Variants in SHB observed in about 807,000 individuals in gnomAD.
SHB encodes the protein SH2 domain containing adaptor protein B.
Under a neutral mutation model 52.3 loss-of-function variants are expected in SHB, and 20 were observed. The observed-to-expected ratio is 0.38, with a 90% CI of 0.27 to 0.56. SHB has a LOEUF of 0.56. Among genes scored for constraint, SHB ranks in the 20% least tolerant of loss-of-function variants. The pLI is 0.71. For missense variants in SHB, 825 were observed against 723.3 expected (o/e 1.14, Z -1.61); for synonymous variants, 397 against 316.5 (o/e 1.25, Z -2.70).
intron 5 of SHB, among the ~76,000 whole-genome samples, chr9:37,942,780 T>C (rs1832449082): frequency 6.6e-6 from 1 of 152,194 alleles, no homozygotes; most frequent in African/African-American, 2.4e-5. Context: ...TGAAAAGGGC[T>C]GCCTCGGTCT....
chr9:38,023,504 A>T (rs1266820770), intron 1 of SHB, among the ~76,000 whole-genome samples: 1 of 152,200 alleles, frequency 6.6e-6, no homozygotes, highest in African/African-American at 2.4e-5. Context: ...TCTGCCCACG[A>T]GAAGATGAAA....
intron 5 of SHB, among the ~76,000 whole-genome samples, chr9:37,923,971 G>A (rs533558249): frequency 1.3e-5 from 2 of 152,316 alleles, no homozygotes; most frequent in Non-Finnish European, 2.9e-5. Context: ...TCCACACCTC[G>A]GCACCGTCAT....
intron 5 of SHB, among the ~76,000 whole-genome samples, chr9:37,921,407 T>C (rs1832179247): frequency 6.6e-6 from 1 of 152,220 alleles, no homozygotes; most frequent in South Asian, 2.1e-4. Flanking sequence ...GCCCACTCTA[T>C]TAACACCTTA....
At chr9:37,944,020 C>T (rs1397550149) in intron 5 of SHB, among the ~76,000 whole-genome samples, 1 of 152,250 alleles carries the variant, frequency 6.6e-6, no homozygotes. Flanking sequence ...CTCAGCTCAA[C>T]CCTTTGCTCC....
At chr9:38,060,027 GTC>G (rs1263203912) in intron 1 of SHB, among the ~76,000 whole-genome samples, 1 of 152,184 alleles carries the variant, frequency 6.6e-6, no homozygotes, top group African/African-American at 2.4e-5. Context: ...CAAAGAGTAA[GTC>G]TAGCCACAAA....
intron 3 of SHB, among the ~76,000 whole-genome samples, chr9:37,974,232 G>C (rs1475570933): frequency 6.6e-6 from 1 of 152,058 alleles, no homozygotes; most frequent in Non-Finnish European, 1.5e-5. Flanking sequence ...CTCCAGCCTG[G>C]GCAACAAGAG....
At position 38,069,189 on chromosome 9, in the gene SHB, G is replaced by A. The variant is rs1283021095; in HGVS notation, c.-544C>T. ...GCAGCCGGCGCCCGCCGGAGCCCGC[G>A]CGCCCGTGCCCGTCCCGGCGGCGCC... On this transcript the variant is annotated 5_prime_UTR_variant, in exon 1 of 6. Coordinates refer to ENST00000377707, the MANE Select transcript of SHB (RefSeq NM_003028.3). The A allele has an allele frequency of 6.6e-6, 1 of 150,806 alleles. No individual in the cohort carries two copies. Among genetic ancestry groups the A allele is most frequent in the Non-Finnish European group, 1.5e-5 (1 of 67,318 alleles). 9.3% of individuals were successfully genotyped at this position (150,806 alleles called of 1,614,324 possible). A position where few individuals can be genotyped will look rare whatever the true frequency, so the allele number is the denominator to read the frequency against.
At chr9:38,016,256 C>T (rs890874319) in intron 1 of SHB, 125 bp from the exon 2 acceptor site, 10 of 946,470 alleles carry the variant, frequency 1.1e-5, no homozygotes, top group Middle Eastern at 2.9e-4. Context: ...GAACTAAAGC[C>T]GGCGCCCGGA....
intron 5 of SHB, among the ~76,000 whole-genome samples, chr9:37,920,275 A>AAAAAAAAAAC (rs1362839311): frequency 4.1e-4 from 59 of 145,374 alleles, no homozygotes; most frequent in Non-Finnish European, 6.7e-4. Flanking sequence ...ACTTCTTCAG[A>AAAAAAAAAAC]AAAACAAAAC....
intron 1 of SHB, among the ~76,000 whole-genome samples, chr9:38,057,850 A>G (rs1821840701): frequency 6.6e-6 from 1 of 152,228 alleles, no homozygotes; most frequent in East Asian, 1.9e-4. Flanking sequence ...ACCACTTCCT[A>G]TCAGAAGCAG....
At chr9:37,959,453 A>T (rs1380759678) in intron 3 of SHB, among the ~76,000 whole-genome samples, 1 of 152,106 alleles carries the variant, frequency 6.6e-6, no homozygotes, top group Non-Finnish European at 1.5e-5. Flanking sequence ...GCTGGAAGTG[A>T]GGTTCTAGGC....
At chr9:37,967,409 G>A (rs1311268255) in intron 3 of SHB, among the ~76,000 whole-genome samples, 2 of 152,162 alleles carry the variant, frequency 1.3e-5, no homozygotes, top group African/African-American at 4.8e-5. Context: ...TGGCTAAGGG[G>A]TGATACCATA....
At chr9:38,067,816 G>C (rs1821989854) in intron 1 of SHB, 113 bp downstream of exon 1, 2 of 1,183,598 alleles carry the variant, frequency 1.7e-6, no homozygotes, top group African/African-American at 3.2e-5. Context: ...CCCCGACCCA[G>C]GGTCCTAGGC....
intron 5 of SHB, among the ~76,000 whole-genome samples, chr9:37,945,478 C>G (rs1832481267): frequency 1.3e-5 from 2 of 152,134 alleles, no homozygotes; most frequent in Admixed American, 6.5e-5. Flanking sequence ...CTGGCTCAGC[C>G]ATAGGATGCC....
At chr9:37,951,324 A>G (rs1343771492) in intron 4 of SHB, among the ~76,000 whole-genome samples, 1 of 152,224 alleles carries the variant, frequency 6.6e-6, no homozygotes, top group Non-Finnish European at 1.5e-5. Flanking sequence ...GAGGAATGTG[A>G]AGTTGGGGTA....
chr9:38,006,387 C>T lies in SHB; in HGVS notation c.838+9624G>A, dbSNP rs1821076238. ...AGTGTGGGTTTCCGCAAGGTTTCCA[C>T]ACCCTGCCCAGCACGCAGGGAGCTG... On this transcript the variant is annotated intron_variant, in intron 2 of 5. Transcript: ENST00000377707. 3.9e-5 allele frequency among the ~76,000 whole-genome samples: 6 copies of T among 152,356 alleles called. No individual in the cohort carries two copies. In the South Asian group the frequency reaches 1.2e-3, roughly 32 times the overall value.
intron 1 of SHB, among the ~76,000 whole-genome samples, chr9:38,028,065 G>C (rs116939910): frequency 0.021 from 3,172 of 152,250 alleles, 55 homozygotes; most frequent in Middle Eastern, 0.058. Flanking sequence ...ATGCATTGGA[G>C]ACTGCGCAGA....
At chr9:37,932,881 C>T (rs769311488) in intron 5 of SHB, among the ~76,000 whole-genome samples, 1 of 152,226 alleles carries the variant, frequency 6.6e-6, no homozygotes, top group Non-Finnish European at 1.5e-5. Context: ...TCCCAAAGCG[C>T]TGGGATTATA....
intron 1 of SHB, among the ~76,000 whole-genome samples, chr9:38,035,444 G>T (rs569767957): frequency 1.8e-4 from 27 of 152,066 alleles, no homozygotes; most frequent in South Asian, 8.3e-4. Context: ...TGGGGATAGG[G>T]GAGCCAGTGT....
Sources: allele counts gnomAD v4.1 joint callset (sites outside exome capture counted in the v4.1 genomes callset), GRCh38; gene constraint gnomAD v4.1.1; transcripts MANE v1.5; gene names NCBI Gene and HGNC (gene_info 2026-07-23, HGNC 2026-07-21).